CASQ2: variants seen among roughly 807,000 people sequenced by gnomAD.
CASQ2 encodes the protein calsequestrin-2.
In CASQ2, 49 loss-of-function variants were observed where a neutral mutation model predicts 46.5. The observed-to-expected ratio is 1.05, with a 90% CI of 0.84 to 1.34. The LOEUF is 1.34. Among genes scored for constraint, CASQ2 ranks in the 40% most tolerant of loss-of-function variants. The pLI is 0.00. For missense variants in CASQ2, 486 were observed against 481.3 expected (o/e 1.01, Z -0.09); for synonymous variants, 174 against 168.5 (o/e 1.03, Z -0.25).
At chr1:115,725,743 G>A (rs567810196) in intron 6 of CASQ2, among the ~76,000 whole-genome samples, 190 bp from the exon 7 acceptor site, 5 of 152,166 alleles carry the variant, frequency 3.3e-5, no homozygotes, top group South Asian at 2.1e-4. Context: ...GTCAGACAGC[G>A]AGCTGGGCCA....
In CASQ2 at chr1:115,716,213, C is replaced by A. The variant is rs112773673; in HGVS notation, c.838+1627G>T. On this transcript the variant is annotated intron_variant, in intron 8 of 10. Transcript: ENST00000261448. ...GACTCTCTGTCTCACAGAGCACTGC[C>A]ATAGGGAATTGCTACCTGCAAAATC... is the stretch of plus-strand genomic sequence containing the variant. Among the ~76,000 whole-genome samples the A allele has an allele frequency of 1.8e-3, 268 of 152,310 alleles. 1 individual carries two copies. The highest frequency in any genetic ancestry group is 5.9e-3 in the African/African-American group (244 of 41,560).
intron 4 of CASQ2, 134 bp from the exon 5 acceptor site, chr1:115,733,108 T>C (rs1263690664): frequency 9.8e-6 from 6 of 611,472 alleles, no homozygotes; most frequent in Admixed American, 2.8e-5. Flanking sequence ...ATTGTTTACA[T>C]AGATGTTATT....
At chr1:115,726,618 T>A (rs1647600418) in intron 6 of CASQ2, among the ~76,000 whole-genome samples, 1 of 152,250 alleles carries the variant, frequency 6.6e-6, no homozygotes, top group South Asian at 2.1e-4. Flanking sequence ...GGGATAATAA[T>A]AATTACTCCC....
chr1:115,733,657 G>A (rs1490418329), intron 4 of CASQ2, among the ~76,000 whole-genome samples: 1 of 152,142 alleles, frequency 6.6e-6, no homozygotes, highest in Admixed American at 6.6e-5. Flanking sequence ...TACACCTGGG[G>A]AGTTACTTGG....
chr1:115,723,281 CTA>C (rs1184867521), intron 7 of CASQ2, among the ~76,000 whole-genome samples: 7 of 129,678 alleles, frequency 5.4e-5, no homozygotes, highest in East Asian at 2.3e-4. Flanking sequence ...TATCATCTAT[CTA>C]TATCTCTCTA....
At chr1:115,766,964 G>C (rs1649158321) in intron 1 of CASQ2, among the ~76,000 whole-genome samples, 1 of 152,154 alleles carries the variant, frequency 6.6e-6, no homozygotes, top group African/African-American at 2.4e-5. Context: ...ATTAGAATCA[G>C]AAATGAATGT....
intron 2 of CASQ2, among the ~76,000 whole-genome samples, chr1:115,743,790 C>T (rs377196198): frequency 1.3e-5 from 2 of 150,626 alleles, no homozygotes; most frequent in African/African-American, 4.9e-5. Flanking sequence ...CCATTCTTCA[C>T]TGGTCATGCA....
At chr1:115,702,763 G>A (rs1287292142) in intron 10 of CASQ2, among the ~76,000 whole-genome samples, 158 bp downstream of exon 10, 1 of 152,234 alleles carries the variant, frequency 6.6e-6, no homozygotes, top group Non-Finnish European at 1.5e-5. Context: ...CTGGCTCGGA[G>A]ACCAGGCGTG....
intron 1 of CASQ2, among the ~76,000 whole-genome samples, chr1:115,749,371 A>G (rs370331184): frequency 2.6e-5 from 4 of 152,278 alleles, no homozygotes; most frequent in African/African-American, 4.8e-5. Flanking sequence ...TTGAAGATTT[A>G]TGAGTGGGAG....
intron 10 of CASQ2, among the ~76,000 whole-genome samples, chr1:115,702,420 C>A (rs1049747267): frequency 2.6e-5 from 4 of 152,186 alleles, no homozygotes; most frequent in African/African-American, 9.7e-5. Context: ...GCCTGTCCCA[C>A]CCTCGGTTCA....
chr1:115,754,352 C>T (rs867136078), intron 1 of CASQ2, among the ~76,000 whole-genome samples: 26 of 152,080 alleles, frequency 1.7e-4, no homozygotes, highest in African/African-American at 5.3e-4. Flanking sequence ...TGGACTATCA[C>T]GTTGGTCAAT....
chr1:115,725,660 TC>T, intron 6 of CASQ2, 107 bp from the exon 7 acceptor site: 2 of 1,414,978 alleles, frequency 1.4e-6, no homozygotes, highest in South Asian at 2.5e-5. Flanking sequence ...AGATGATGCT[TC>T]CTTTGCAAGG....
intron 9 of CASQ2, among the ~76,000 whole-genome samples, chr1:115,703,864 A>T (rs1353050118): frequency 2.6e-5 from 4 of 151,638 alleles, no homozygotes; most frequent in Non-Finnish European, 5.9e-5. Context: ...GTAAATTGAG[A>T]TTATGCCACT....
At chr1:115,713,817 G>C (rs754607229) in intron 8 of CASQ2, among the ~76,000 whole-genome samples, 14 of 152,196 alleles carry the variant, frequency 9.2e-5, no homozygotes, top group Non-Finnish European at 1.5e-4. Context: ...GAGTTGGTGT[G>C]ATAGGGTGGA....
chr1:115,725,920 C>A (rs781450300), intron 6 of CASQ2, among the ~76,000 whole-genome samples: 1 of 152,132 alleles, frequency 6.6e-6, no homozygotes, highest in East Asian at 1.9e-4. Flanking sequence ...GAATGAGAAA[C>A]CTGAGGGGGA....
intron 1 of CASQ2, among the ~76,000 whole-genome samples, chr1:115,762,540 T>C (rs1265500088): frequency 6.6e-6 from 1 of 152,140 alleles, no homozygotes; most frequent in Non-Finnish European, 1.5e-5. Context: ...CACATATACA[T>C]GGCTAACAGC....
intron 4 of CASQ2, among the ~76,000 whole-genome samples, chr1:115,733,713 T>TGTGGTG (rs564853980): frequency 1.3e-5 from 2 of 151,860 alleles, no homozygotes; most frequent in African/African-American, 4.8e-5. Flanking sequence ...TGATGGTAAT[T>TGTGGTG]GTGGTGGTGG....
intron 4 of CASQ2, among the ~76,000 whole-genome samples, chr1:115,734,996 T>G (rs1173533013): frequency 6.6e-6 from 1 of 152,236 alleles, no homozygotes; most frequent in Non-Finnish European, 1.5e-5. Flanking sequence ...ATAAACTTTA[T>G]AGTGTATGAA....
chr1:115,716,802 T>C (rs369570636), intron 8 of CASQ2, among the ~76,000 whole-genome samples: 2 of 152,336 alleles, frequency 1.3e-5, no homozygotes, highest in African/African-American at 4.8e-5. Flanking sequence ...CAGGATAATG[T>C]AGCCCTTGTC....
Sources: gnomAD v4.1 joint callset for allele counts (sites outside exome capture counted in the v4.1 genomes callset) on GRCh38, gnomAD v4.1.1 for gene constraint, MANE v1.5 for transcripts, NCBI Gene and HGNC (gene_info 2026-07-23, HGNC 2026-07-21) for gene names.